Variants in GPR19 observed in about 807,000 individuals in gnomAD.
GPR19 encodes the protein probable G protein-coupled receptor 19.
Under a neutral mutation model 28.5 loss-of-function variants are expected in GPR19, and 14 were observed. The observed-to-expected ratio is 0.49, with a 90% CI of 0.32 to 0.77. The LOEUF is 0.77. Among genes scored for constraint, GPR19 ranks in the 30% least tolerant of loss-of-function variants. GPR19 has a pLI of 0.03. For missense variants in GPR19, 409 were observed against 504.1 expected (o/e 0.81, Z 1.81); for synonymous variants, 173 against 184.1 (o/e 0.94, Z 0.49).
At chr12:12,678,795 C>G (rs1358056545) in intron 3 of GPR19, among the ~76,000 whole-genome samples, 1 of 152,124 alleles carries the variant, frequency 6.6e-6, no homozygotes, top group East Asian at 1.9e-4. Context: ...TACTTTCGCA[C>G]CAGCCTAATA....
At position 12,662,363 on chromosome 12, in the gene GPR19, G is replaced by T; in HGVS notation, c.86C>A (p.Thr29Asn). ...GCTTGGCAGAGGTGTGGCTGTTTCA[G>T]TGCAGCTGCGGTTTTGGAGGGGCAC... ...LLVPLQNRSC[T>N]ETATPLPSQY... The change falls in exon 4 of 4, where the codon ACT becomes AAT. Residue 29 changes from threonine to asparagine, a missense_variant. By Grantham distance (65) the Thr-to-Asn change is moderately conservative. Transcript: ENST00000651487. The T allele has an allele frequency of 6.2e-7, 1 of 1,614,192 alleles. No individual in the cohort carries two copies. Among genetic ancestry groups the T allele is most frequent in the Non-Finnish European group, 8.5e-7 (1 of 1,180,024 alleles).
chr12:12,674,167 G>A (rs1945897412), intron 3 of GPR19, among the ~76,000 whole-genome samples: 1 of 121,824 alleles, frequency 8.2e-6, no homozygotes, highest in African/African-American at 3.2e-5. Context: ...AGCCGAGATT[G>A]TACCACTGCA....
At chr12:12,673,662 T>C (rs921688112) in intron 3 of GPR19, among the ~76,000 whole-genome samples, 3 of 151,976 alleles carry the variant, frequency 2.0e-5, no homozygotes, top group Admixed American at 6.6e-5. Flanking sequence ...AAATGATGAG[T>C]GCAAAGACCC....
In GPR19 at chr12:12,661,683, C is replaced by G. The variant is rs1470744470; in HGVS notation, c.766G>C (p.Asp256His). ...ATTGTCCTCCTCACCGTTCGGCCAT[C>G]TGTGCCTATTCTCCAAATATATTTT... ...VIKYIWRIGT[D>H]GRTVRRTMNI... Residue 256 changes from aspartate (D) to histidine (H), a missense_variant, in exon 4 of 4, where the codon GAT becomes CAT. Coordinates refer to ENST00000651487, the MANE Select transcript of GPR19 (RefSeq NM_006143.3). This position sits in a 1 kb window ranked among gnomAD's most constrained non-coding sequence, Gnocchi z 4.2. The G allele has an allele frequency of 5.6e-6, 9 of 1,614,004 alleles. No individual in the cohort carries two copies. Among genetic ancestry groups the G allele is most frequent in the African/African-American group, 1.3e-5 (1 of 74,920 alleles).
the GPR19 span, among the ~76,000 whole-genome samples, chr12:12,702,019 A>G: frequency 6.6e-6 from 1 of 151,690 alleles, no homozygotes; most frequent in East Asian, 1.9e-4. Context: ...ATCTTTTTAT[A>G]GAACACATAT....
At chr12:12,697,468 A>G (rs184811235), upstream of GPR19, among the ~76,000 whole-genome samples, 392 of 152,350 alleles carry the variant, frequency 2.6e-3, 3 homozygotes, top group African/African-American at 9.1e-3. Flanking sequence ...AACAACCTTA[A>G]ATAACTGGTA....
chr12:12,667,509 G>A (rs941552644), intron 3 of GPR19, among the ~76,000 whole-genome samples: 1 of 151,910 alleles, frequency 6.6e-6, no homozygotes, highest in African/African-American at 2.4e-5. Flanking sequence ...TGGCCAATAC[G>A]GCAAAACCCC....
chr12:12,691,954 C>T (rs1050055749), intron 2 of GPR19, among the ~76,000 whole-genome samples: 9 of 152,148 alleles, frequency 5.9e-5, no homozygotes, highest in Non-Finnish European at 1.3e-4. Flanking sequence ...AAAGTTGGCA[C>T]CTGACTTAGT....
chr12:12,683,437 C>A lies in GPR19; in HGVS notation c.-23+914G>T, dbSNP rs539436924. 2.6e-5 allele frequency among the ~76,000 whole-genome samples: 4 copies of A among 152,322 alleles called. No individual in the cohort carries two copies. The South Asian group carries it at 8.3e-4, about 32-fold the overall frequency. On this transcript the variant is annotated intron_variant, in intron 3 of 3. Coordinates refer to ENST00000651487, the MANE Select transcript of GPR19 (RefSeq NM_006143.3). ...CAGCATAGCTCAGTGGTTAAGAGCACAGGCTTTGGGGTCAAGTTTCGTAGG... is the reference window on the plus strand; with the variant it reads ...CAGCATAGCTCAGTGGTTAAGAGCAAAGGCTTTGGGGTCAAGTTTCGTAGG...
At chr12:12,663,117 T>G (rs1443982588) in intron 3 of GPR19, among the ~76,000 whole-genome samples, 1 of 152,210 alleles carries the variant, frequency 6.6e-6, no homozygotes, top group Admixed American at 6.5e-5. Flanking sequence ...TAGCTTGCTT[T>G]TTCTAAAAGA....
At chr12:12,696,282 GT>G (rs1466245156), upstream of GPR19, 1 of 149,918 alleles carries the variant, frequency 6.7e-6, no homozygotes, top group East Asian at 2.0e-4. Context: ...ATCTCGCGTG[GT>G]TTGGTGATGG....
At chr12:12,699,633 A>G (rs1007158585), upstream of GPR19, among the ~76,000 whole-genome samples, 5 of 152,230 alleles carry the variant, frequency 3.3e-5, no homozygotes, top group African/African-American at 9.6e-5. Flanking sequence ...CAGTGTTTCA[A>G]TCAGAGGGAA....
At chr12:12,716,828 G>C in the GPR19 span, 1 of 985,064 alleles carries the variant, frequency 1.0e-6, no homozygotes, top group Non-Finnish European at 1.2e-6. Flanking sequence ...CCCAGCAAAG[G>C]CACGCCGGCG....
At chr12:12,716,110 T>C in the GPR19 span, among the ~76,000 whole-genome samples, 2 of 152,212 alleles carry the variant, frequency 1.3e-5, no homozygotes, top group Non-Finnish European at 2.9e-5. Flanking sequence ...GCAGCCCTGC[T>C]CATCGTCCTA....
upstream of GPR19, among the ~76,000 whole-genome samples, chr12:12,698,245 GGTGA>G (rs1946292143): frequency 6.6e-6 from 1 of 152,128 alleles, no homozygotes; most frequent in African/African-American, 2.4e-5. Context: ...AAAAATCTTT[GGTGA>G]GTAACAGAAA....
chr12:12,698,889 C>G (rs1304363667), upstream of GPR19, among the ~76,000 whole-genome samples: 1 of 152,050 alleles, frequency 6.6e-6, no homozygotes, highest in Non-Finnish European at 1.5e-5. Context: ...GGATTACAGG[C>G]ATGAGCCACT....
At chr12:12,706,644 CA>C in the GPR19 span, among the ~76,000 whole-genome samples, 1 of 152,218 alleles carries the variant, frequency 6.6e-6, no homozygotes, top group African/African-American at 2.4e-5. Context: ...ATCTCTCAAT[CA>C]ACCCTATCTC....
At chr12:12,711,928 C>T in the GPR19 span, among the ~76,000 whole-genome samples, 1 of 152,182 alleles carries the variant, frequency 6.6e-6, no homozygotes, top group Admixed American at 6.5e-5. Flanking sequence ...TCCATTGTAT[C>T]TGTTGATTGA....
At chr12:12,706,391 A>C in the GPR19 span, among the ~76,000 whole-genome samples, 13,007 of 152,164 alleles carry the variant, frequency 0.085, 677 homozygotes, top group East Asian at 0.18. Flanking sequence ...GATTTCTAAA[A>C]GTTGTAGTAC....
Sources: gnomAD v4.1 joint callset for allele counts (sites outside exome capture counted in the v4.1 genomes callset) on GRCh38, gnomAD v4.1.1 for gene constraint, Gnocchi (gnomAD v3.1) non-coding constraint, MANE v1.5 for transcripts, NCBI Gene and HGNC (gene_info 2026-07-23, HGNC 2026-07-21) for gene names.